Variants in CYB5R2 observed in about 807,000 individuals in gnomAD.
CYB5R2 encodes cytochrome b5 reductase 2.
Under a neutral mutation model 29.8 loss-of-function variants are expected in CYB5R2, and 35 were observed. That is an observed-to-expected ratio of 1.17 (90% CI 0.90 to 1.56). CYB5R2 has a LOEUF of 1.56. Ranked by LOEUF, CYB5R2 falls within the 40% of genes most tolerant of loss-of-function variation. The probability of loss-of-function intolerance (pLI) is 0.00; values close to 1 mark genes in which losing one functional copy is unlikely to be tolerated. For missense variants in CYB5R2, 419 were observed against 346.7 expected, an observed-to-expected ratio of 1.21 and a Z score of -1.66; for synonymous variants, 169 against 130.6, an observed-to-expected ratio of 1.29 and a Z score of -2.01.
At chr11:7,666,021 C>T (rs1855158268) in intron 8 of CYB5R2, 6 of 987,786 alleles carry the variant, frequency 6.1e-6, no homozygotes, top group Non-Finnish European at 6.1e-6. Context: ...TGCTGGGATG[C>T]TGTCTGGGCT....
chr11:7,670,113 C>T (rs34447100), intron 3 of CYB5R2: 7,172 of 198,928 alleles, frequency 0.036, 194 homozygotes, highest in Non-Finnish European at 0.047. Context: ...GTAATCCCAG[C>T]CCAGAGGCGG....
rs550650040 is a variant in CYB5R2 at position 7,669,891 on chromosome 11, C to T, written c.152-160G>A. ...GGAAGGAACCCAAATATGGGATGCC[C>T]GGATCCTAGGCCTGCCCTGCCTCCC... On this transcript the variant is annotated intron_variant, in intron 3 of 8. Transcript: ENST00000299498. The T allele has an allele frequency of 7.2e-4, 448 of 626,340 alleles. 2 individuals carry two copies. Among genetic ancestry groups the T allele is most frequent in the South Asian group, 7.1e-3 (377 of 53,322 alleles). The allele number at this position is 626,340 out of a possible 1,614,324, so 38.8% of individuals were successfully genotyped here.
chr11:7,665,286 G>A lies in CYB5R2; in HGVS notation c.*88C>T, dbSNP rs76915129. On this transcript the variant is annotated 3_prime_UTR_variant, in exon 9 of 9. Transcript: ENST00000299498. Reference sequence around the variant, plus strand: ...CGAAGGTACATGGCAAGGCACTTTTGAAAACATCCCAGTTTACCGTGGTGA... The same window carrying A: ...CGAAGGTACATGGCAAGGCACTTTTAAAAACATCCCAGTTTACCGTGGTGA... The A allele has an allele frequency of 8.5e-3, 10,331 of 1,208,850 alleles. 631 individuals carry two copies. In the African/African-American group the frequency reaches 0.13, roughly 15 times the overall value. The allele number at this position is 1,208,850 out of a possible 1,614,324, so 74.9% of individuals were successfully genotyped here.
chr11:7,669,059 AGT>A lies in CYB5R2; in HGVS notation c.388+144_388+145del, dbSNP rs753849233. 1.5e-5 allele frequency: 15 copies of A among 1,007,352 alleles called. No individual in the cohort carries two copies. The East Asian group carries it at 3.6e-4, about 25-fold the overall frequency. 62.4% of individuals were successfully genotyped at this position (1,007,352 alleles called of 1,614,324 possible). On this transcript the variant is annotated intron_variant, in intron 5 of 8. Transcript: ENST00000299498. Reference sequence around the variant, plus strand: ...GAAGTGGGTGTGTGAATGTGTAACAAGTGTGATCATTATGCATTGTGTGTGAA... The same window carrying A: ...GAAGTGGGTGTGTGAATGTGTAACAAGTGATCATTATGCATTGTGTGTGAA...
intron 7 of CYB5R2, 95 bp downstream of exon 7, chr11:7,667,633 A>C (rs76542900): frequency 4.2e-6 from 5 of 1,190,434 alleles, no homozygotes; most frequent in Non-Finnish European, 6.3e-6. Context: ...CAGGCACCCA[A>C]GCAGCATGAG....
At chr11:7,667,482 C>T (rs1855371906) in intron 7 of CYB5R2, 1 of 391,596 alleles carries the variant, frequency 2.6e-6, no homozygotes, top group Admixed American at 4.1e-5. Context: ...AGCAGTACAT[C>T]TTAAGGAAAA....
chr11:7,667,884 G>T, intron 6 of CYB5R2, 71 bp from the exon 7 acceptor site: 1 of 1,218,136 alleles, frequency 8.2e-7, no homozygotes, highest in Non-Finnish European at 1.2e-6. Flanking sequence ...CCTGCAGCAA[G>T]CTTCATACCT....
chr11:7,665,440 G>T lies in CYB5R2; in HGVS notation c.765C>A (p.Ile255=). ...LILVCGPPPL[I]QTAAHPNLEK... is the part of the protein sequence containing the mutation. ...CCAGGTTAGGGTGAGCCGCCGTCTG[G>T]ATTAGTGGTGGCGGGCCACACACCA... Residue 255 remains isoleucine (I), a synonymous_variant, in exon 9 of 9, where the codon ATC becomes ATA. Coordinates refer to ENST00000299498, the MANE Select transcript of CYB5R2 (RefSeq NM_016229.5). The T allele has an allele frequency of 6.2e-7, 1 of 1,613,452 alleles. No individual in the cohort carries two copies. Among genetic ancestry groups the T allele is most frequent in the Non-Finnish European group, 8.5e-7 (1 of 1,179,790 alleles).
chr11:7,669,124 C>T (rs777675618), intron 5 of CYB5R2, 81 bp downstream of exon 5: 2 of 1,556,406 alleles, frequency 1.3e-6, no homozygotes, highest in South Asian at 2.2e-5. Context: ...TGACTCAAAT[C>T]TGAGGAGTGT....
In CYB5R2 at chr11:7,666,240, G is replaced by A. The variant is rs575898784; in HGVS notation, c.658+211C>T. On this transcript the variant is annotated intron_variant, in intron 8 of 8. Transcript: ENST00000299498. Reference sequence around the variant, plus strand: ...AGCGTGAGGTGCTGCTGATGTATTAGACACCTGCTCTCGATTGCCCTTAAA... The same window carrying A: ...AGCGTGAGGTGCTGCTGATGTATTAAACACCTGCTCTCGATTGCCCTTAAA... The A allele has an allele frequency of 8.4e-6, 5 of 594,592 alleles. No homozygotes were observed. The Admixed American group carries it at 1.2e-4, about 14-fold the overall frequency. The allele number at this position is 594,592 out of a possible 1,614,324, so 36.8% of individuals were successfully genotyped here. A position where few individuals can be genotyped will look rare whatever the true frequency, so the allele number is the denominator to read the frequency against.
At chr11:7,669,361 A>T in intron 4 of CYB5R2, 27 bp from the exon 5 acceptor site, 1 of 1,590,918 alleles carries the variant, frequency 6.3e-7, no homozygotes, top group South Asian at 1.2e-5. Context: ...CACTGCTTTC[A>T]CATTCCCAGA....
At chr11:7,669,052 T>G (rs1052340316) in intron 5 of CYB5R2, 153 bp downstream of exon 5, 1 of 949,724 alleles carries the variant, frequency 1.1e-6, no homozygotes, top group East Asian at 2.5e-5. Flanking sequence ...TGTGTGAATG[T>G]GTAACAAGTG....
At chr11:7,666,875 C>T (rs772849976) in intron 7 of CYB5R2, 22 of 194,110 alleles carry the variant, frequency 1.1e-4, no homozygotes, top group Non-Finnish European at 2.1e-4. Flanking sequence ...CTGCCTCCTA[C>T]ATCTACACTG....
At chr11:7,671,041 G>C (rs1407816535) in intron 3 of CYB5R2, 2 of 152,766 alleles carry the variant, frequency 1.3e-5, no homozygotes, top group South Asian at 2.1e-4. Flanking sequence ...GTAGGCACTA[G>C]AGGGGCTGGT....
upstream of CYB5R2, chr11:7,673,953 A>G (rs1855931327): frequency 3.0e-6 from 3 of 1,006,580 alleles, no homozygotes; most frequent in Admixed American, 1.6e-4. Flanking sequence ...CTCACTCACG[A>G]GCCGCTGGCT....
In CYB5R2 at chr11:7,669,337, G is replaced by C. The variant is rs750286511; in HGVS notation, c.259-3C>G. The C allele has an allele frequency of 4.4e-6, 7 of 1,608,176 alleles. No homozygotes were observed. The highest frequency in any genetic ancestry group is 5.9e-6 in the Non-Finnish European group (7 of 1,176,700). On this transcript the variant is annotated splice_region_variant and splice_polypyrimidine_tract_variant and intron_variant, in intron 4 of 8. Coordinates refer to ENST00000299498, the MANE Select transcript of CYB5R2 (RefSeq NM_016229.5). Reference sequence around the variant, plus strand: ...GGGTGTACATTTTTGAAGTAGATCTGAAAAGCAAGGCAGCACTGCTTTCAC... The same window carrying C: ...GGGTGTACATTTTTGAAGTAGATCTCAAAAGCAAGGCAGCACTGCTTTCAC...
Position 7,667,758 on chromosome 11 carries a change from C to T in CYB5R2, c.528G>A (p.Arg176=). ...IRHITKDPSD[R]TRMSLIFANQ... is the part of the protein sequence containing the mutation. ...TGGCAAAGATGAGGGACATCCTGGT[C>T]CTGTCACTGGGGTCCTTGGTGATGT... is the stretch of plus-strand genomic sequence containing the variant. Residue 176 remains arginine, a synonymous_variant, in exon 7 of 9, where the codon AGG becomes AGA. Transcript: ENST00000299498. The T allele has an allele frequency of 6.2e-7, 1 of 1,614,212 alleles. No individual in the cohort carries two copies. Among genetic ancestry groups the T allele is most frequent in the Middle Eastern group, 1.6e-4 (1 of 6,062 alleles).
chr11:7,670,199 A>T, intron 3 of CYB5R2: 1 of 174,664 alleles, frequency 5.7e-6, no homozygotes, highest in South Asian at 1.3e-4. Flanking sequence ...AAAAAATACA[A>T]AAAATTAGCC....
Position 7,673,500 on chromosome 11 carries a change from C to T in CYB5R2, c.-148G>A, listed in dbSNP as rs1855887199. ...TCCTCCCGCCGGGTCACTGGAGTCT[C>T]AGCCTTCCGGAATCCGAGCCGGCCC... On this transcript the variant is annotated 5_prime_UTR_variant, in exon 1 of 9. Coordinates refer to ENST00000299498, the MANE Select transcript of CYB5R2 (RefSeq NM_016229.5). The T allele has an allele frequency of 2.0e-6, 2 of 986,308 alleles. No homozygotes were observed. Among genetic ancestry groups the T allele is most frequent in the Admixed American group, 6.1e-5 (1 of 16,360 alleles). The allele number at this position is 986,308 out of a possible 1,614,324, so 61.1% of individuals were successfully genotyped here. A position where few individuals can be genotyped will look rare whatever the true frequency, so the allele number is the denominator to read the frequency against.
Sources: gnomAD v4.1 joint callset for allele counts on GRCh38, gnomAD v4.1.1 for gene constraint, MANE v1.5 for transcripts, NCBI Gene and HGNC (gene_info 2026-07-23, HGNC 2026-07-21) for gene names.